Variants in SMYD3 observed in about 807,000 individuals in gnomAD.
SMYD3 encodes SET and MYND domain containing 3, also known as histone-lysine N-methyltransferase SMYD3.
In SMYD3, 36 loss-of-function variants were observed where a neutral mutation model predicts 57.7. The ratio of observed to expected loss-of-function variants is 0.62; its 90% confidence interval spans 0.48 to 0.82. The LOEUF is 0.82. Ranked by LOEUF, SMYD3 falls within the 40% of genes least tolerant of loss-of-function variation. The pLI is 0.00. For missense variants in SMYD3, 515 were observed against 538.8 expected (o/e 0.96, Z 0.44); for synonymous variants, 211 against 195.0 (o/e 1.08, Z -0.68).
At chr1:245,885,030 G>A (rs2362262) in intron 8 of SMYD3, among the ~76,000 whole-genome samples, 65,554 of 151,834 alleles carry the variant, frequency 0.43, 18,619 homozygotes, top group East Asian at 0.81. Flanking sequence ...CACTCAATGC[G>A]AAGGTCTGCG....
intron 5 of SMYD3, among the ~76,000 whole-genome samples, chr1:246,313,360 T>G (rs887327026): frequency 6.6e-6 from 1 of 152,130 alleles, no homozygotes; most frequent in South Asian, 2.1e-4. Flanking sequence ...ACTGAATGAT[T>G]GTGAAGGAGG....
intron 8 of SMYD3, among the ~76,000 whole-genome samples, chr1:245,892,805 T>C (rs1049742598): frequency 6.6e-6 from 1 of 152,192 alleles, no homozygotes; most frequent in African/African-American, 2.4e-5. Context: ...GAAATATCTT[T>C]CTCCTCTTGA....
intron 5 of SMYD3, among the ~76,000 whole-genome samples, chr1:246,017,782 C>A (rs1313435014): frequency 6.6e-6 from 1 of 152,138 alleles, no homozygotes; most frequent in Non-Finnish European, 1.5e-5. Flanking sequence ...TGACATTCCT[C>A]AGCAAACTTA....
At chr1:245,835,490 T>TGA (rs1215756154) in intron 10 of SMYD3, among the ~76,000 whole-genome samples, 5 of 152,170 alleles carry the variant, frequency 3.3e-5, no homozygotes, top group African/African-American at 1.2e-4. Context: ...AATACATACT[T>TGA]GACAAGGATA....
chr1:246,459,568 C>T (rs915671107), intron 1 of SMYD3, among the ~76,000 whole-genome samples: 3 of 152,216 alleles, frequency 2.0e-5, no homozygotes, highest in African/African-American at 7.2e-5. Flanking sequence ...TTCCCTTCTC[C>T]TTCGCTTCCA....
At chr1:246,199,156 G>C (rs2062871149) in intron 5 of SMYD3, among the ~76,000 whole-genome samples, 1 of 151,804 alleles carries the variant, frequency 6.6e-6, no homozygotes, top group Non-Finnish European at 1.5e-5. Context: ...AGTACCTACT[G>C]TTCCCATCCT....
In SMYD3 at chr1:246,268,204, T is replaced by C. The variant is rs1031284504; in HGVS notation, c.531+58997A>G. 1.6e-4 allele frequency among the ~76,000 whole-genome samples: 25 copies of C among 152,242 alleles called. 1 individual carries two copies. In the South Asian group the frequency reaches 3.7e-3, roughly 23 times the overall value. On this transcript the variant is annotated intron_variant, in intron 5 of 11. Coordinates refer to ENST00000490107, the MANE Select transcript of SMYD3 (RefSeq NM_001167740.2). ...CACAAGATAAAGGTCATAAAGACCT[T>C]GCTGATAAAACAGGTTGTAAAGAAG...
chr1:246,186,725 A>G, intron 5 of SMYD3: 2 of 984,168 alleles, frequency 2.0e-6, no homozygotes, highest in Non-Finnish European at 2.4e-6. Context: ...TCTCAAAATG[A>G]TCCCTCTGAA....
At position 245,947,036 on chromosome 1, in the gene SMYD3, G is replaced by A. The variant is rs114873829; in HGVS notation, c.532-17099C>T. 8.1e-3 allele frequency among the ~76,000 whole-genome samples: 1,239 copies of A among 152,232 alleles called. 18 individuals carry two copies. Among genetic ancestry groups the A allele is most frequent in the African/African-American group, 0.028 (1,149 of 41,546 alleles). ...AAACAAATGAGTCTGCTGCTCTTCCGTGGCCCTGGGAGGCGGGCTGGCCTC... is the reference window on the plus strand; with the variant it reads ...AAACAAATGAGTCTGCTGCTCTTCCATGGCCCTGGGAGGCGGGCTGGCCTC... On this transcript the variant is annotated intron_variant, in intron 5 of 11. Coordinates refer to ENST00000490107, the MANE Select transcript of SMYD3 (RefSeq NM_001167740.2).
At chr1:246,150,648 A>C (rs899799279) in intron 5 of SMYD3, among the ~76,000 whole-genome samples, 1 of 152,236 alleles carries the variant, frequency 6.6e-6, no homozygotes, top group African/African-American at 2.4e-5. Context: ...TCTCCTCTGC[A>C]GCTATGGAGG....
At position 246,169,680 on chromosome 1, in the gene SMYD3, G is replaced by A. The variant is rs544013615; in HGVS notation, c.531+157521C>T. On this transcript the variant is annotated intron_variant, in intron 5 of 11. Transcript: ENST00000490107. ...TCCCAGCATTCGGCCAAGGCAGGCGGATCACCTTAGGTCAGGAGTTTGAGA... is the reference window on the plus strand; with the variant it reads ...TCCCAGCATTCGGCCAAGGCAGGCGAATCACCTTAGGTCAGGAGTTTGAGA... Among the ~76,000 whole-genome samples, 3 of 152,200 alleles carry A rather than the reference G, an allele frequency of 2.0e-5. No individual in the cohort carries two copies. In the South Asian group the frequency reaches 6.2e-4, roughly 32 times the overall value.
intron 5 of SMYD3, among the ~76,000 whole-genome samples, chr1:246,239,778 C>T (rs1343115365): frequency 1.3e-5 from 2 of 152,180 alleles, no homozygotes; most frequent in South Asian, 4.2e-4. Context: ...TTAATGATCG[C>T]CATTCTAACT....
intron 5 of SMYD3, among the ~76,000 whole-genome samples, chr1:246,007,100 C>A (rs752849748): frequency 5.9e-5 from 9 of 152,340 alleles, no homozygotes; most frequent in Middle Eastern, 3.4e-3. Context: ...TCCCCACATT[C>A]TAAAGAGGCT....
intron 7 of SMYD3, among the ~76,000 whole-genome samples, chr1:245,926,082 G>A (rs1572707206): frequency 6.6e-6 from 1 of 152,296 alleles, no homozygotes; most frequent in East Asian, 1.9e-4. Context: ...GGCGTCACAT[G>A]AGGTGGCAGC....
At chr1:246,021,711 T>C (rs1010183548) in intron 5 of SMYD3, among the ~76,000 whole-genome samples, 33 of 152,238 alleles carry the variant, frequency 2.2e-4, no homozygotes, top group Admixed American at 2.1e-3. Context: ...TTCAATTCTA[T>C]TGCTTTCTCA....
intron 1 of SMYD3, among the ~76,000 whole-genome samples, chr1:246,472,502 G>C (rs1422351509): frequency 2.0e-5 from 3 of 152,118 alleles, no homozygotes; most frequent in Non-Finnish European, 4.4e-5. Context: ...CAGCACTTTG[G>C]GAGGCCAAGA....
At chr1:246,062,714 G>T (rs2060274733) in intron 5 of SMYD3, among the ~76,000 whole-genome samples, 1 of 152,070 alleles carries the variant, frequency 6.6e-6, no homozygotes, top group Admixed American at 6.5e-5. Context: ...TTGAACACTT[G>T]ACCCATATTC....
chr1:245,885,017 T>C (rs2053010061), intron 8 of SMYD3, among the ~76,000 whole-genome samples: 1 of 152,128 alleles, frequency 6.6e-6, no homozygotes, highest in African/African-American at 2.4e-5. Context: ...TTATGAGCTG[T>C]AACACTCAAT....
intron 5 of SMYD3, among the ~76,000 whole-genome samples, chr1:246,256,867 C>T (rs1200684396): frequency 6.6e-6 from 1 of 151,838 alleles, no homozygotes; most frequent in Non-Finnish European, 1.5e-5. Context: ...GTACCTGTGC[C>T]TCTGTTTTCA....
Sources: gnomAD v4.1 joint callset for allele counts (sites outside exome capture counted in the v4.1 genomes callset) on GRCh38, gnomAD v4.1.1 for gene constraint, MANE v1.5 for transcripts, NCBI Gene and HGNC (gene_info 2026-07-23, HGNC 2026-07-21) for gene names.